The following SLC14A2 variants were observed in gnomAD, a reference collection of about 807,000 sequenced individuals.
SLC14A2 encodes the protein solute carrier family 14 member 2.
SLC14A2 carries 91 observed loss-of-function variants against 104.6 expected under a neutral mutation model. The observed-to-expected ratio is 0.87, with a 90% CI of 0.73 to 1.04. SLC14A2 has a LOEUF of 1.04. SLC14A2 is among the 50% of genes least tolerant of loss of function. The probability of loss-of-function intolerance (pLI) is 0.00; values close to 1 mark genes in which losing one functional copy is unlikely to be tolerated. For synonymous variants in SLC14A2, 476 were observed against 466.4 expected (o/e 1.02, Z -0.27); for missense variants, 1,189 against 1,156.0 (o/e 1.03, Z -0.41).
In SLC14A2 at chr18:45,475,619, GAT is replaced by G. The variant is rs200761666; in HGVS notation, c.-124-7597_-124-7596del. 3.8e-3 allele frequency among the ~76,000 whole-genome samples: 258 copies of G among 68,262 alleles called. 3 individuals carry two copies. The highest frequency in any genetic ancestry group is 4.7e-3 in the African/African-American group (90 of 19,194). The allele number at this position is 68,262 out of a possible 152,430, so 44.8% of individuals were successfully genotyped here. A position where few individuals can be genotyped will look rare whatever the true frequency, so the allele number is the denominator to read the frequency against. On this transcript the variant is annotated intron_variant, in intron 1 of 20. Coordinates refer to the SLC14A2 transcript ENST00000586448. ...ATGTTTAGGTTATATATATATTTAG[GAT>G]ATATATATATATATATTTAGGATAT...
At chr18:45,314,637 T>C (rs1045612495) in intron 1 of SLC14A2, among the ~76,000 whole-genome samples, 1 of 152,230 alleles carries the variant, frequency 6.6e-6, no homozygotes, top group African/African-American at 2.4e-5. Context: ...GTATCTGTCC[T>C]GACAAACTTG....
chr18:45,556,296 T>G lies in SLC14A2; in HGVS notation c.-34-68335T>G, dbSNP rs188709389. Among the ~76,000 whole-genome samples, 217 of 152,250 alleles carry G rather than the reference T, an allele frequency of 1.4e-3. 1 individual carries two copies. Among genetic ancestry groups the G allele is most frequent in the Non-Finnish European group, 1.7e-3 (114 of 68,008 alleles). On this transcript the variant is annotated intron_variant, in intron 2 of 20. Transcript: ENST00000586448. ...CAACATGCAGACCACAGAAACCACC[T>G]TATCATATATTTTAGTGTTTTACCC...
chr18:45,407,566 C>G (rs2086168871), intron 1 of SLC14A2, among the ~76,000 whole-genome samples: 1 of 152,216 alleles, frequency 6.6e-6, no homozygotes, highest in Admixed American at 6.5e-5. Context: ...CTAACTGGCT[C>G]AAGAATCCTA....
chr18:45,362,083 A>T (rs1329590184), intron 1 of SLC14A2, among the ~76,000 whole-genome samples: 4 of 152,198 alleles, frequency 2.6e-5, no homozygotes, highest in Non-Finnish European at 5.9e-5. Context: ...TTCCCATGGT[A>T]GTGAGTGAGT....
chr18:45,493,774 G>A (rs2043042108), intron 2 of SLC14A2, among the ~76,000 whole-genome samples: 1 of 152,136 alleles, frequency 6.6e-6, no homozygotes, highest in Admixed American at 6.5e-5. Flanking sequence ...GTGTTGTTCT[G>A]TGACTCATAT....
At chr18:45,292,374 G>A (rs997498504) in intron 1 of SLC14A2, among the ~76,000 whole-genome samples, 6 of 152,160 alleles carry the variant, frequency 3.9e-5, no homozygotes, top group East Asian at 1.9e-4. Context: ...GTACTAGGGC[G>A]TTGCCATGGA....
intron 1 of SLC14A2, among the ~76,000 whole-genome samples, chr18:45,237,858 G>A (rs2144041659): frequency 6.6e-6 from 1 of 152,342 alleles, no homozygotes; most frequent in South Asian, 2.1e-4. Context: ...GGCTCCCACA[G>A]ACTTCCATTG....
intron 1 of SLC14A2, among the ~76,000 whole-genome samples, chr18:45,293,165 A>G (rs1008153769): frequency 2.0e-5 from 3 of 152,182 alleles, no homozygotes; most frequent in Non-Finnish European, 4.4e-5. Flanking sequence ...TAAGCAGAAA[A>G]TGTCCCATGG....
chr18:45,266,841 A>T (rs2084596985), intron 1 of SLC14A2, among the ~76,000 whole-genome samples: 1 of 152,144 alleles, frequency 6.6e-6, no homozygotes, highest in Non-Finnish European at 1.5e-5. Context: ...GGTCAGGGGT[A>T]AGGAATATAG....
At chr18:45,244,116 A>C (rs2084345482) in intron 1 of SLC14A2, among the ~76,000 whole-genome samples, 1 of 152,224 alleles carries the variant, frequency 6.6e-6, no homozygotes, top group Non-Finnish European at 1.5e-5. Flanking sequence ...CCGGAAGCTT[A>C]GAAGGCAAGT....
chr18:45,634,772 G>C, intron 5 of SLC14A2: 1 of 456,032 alleles, frequency 2.2e-6, no homozygotes, highest in South Asian at 1.6e-5. Flanking sequence ...GTTTTAGGCA[G>C]AGATGTGATG....
intron 1 of SLC14A2, among the ~76,000 whole-genome samples, chr18:45,452,581 A>G (rs1206840885): frequency 1.3e-5 from 2 of 152,252 alleles, no homozygotes; most frequent in Non-Finnish European, 2.9e-5. Context: ...AAAGTCTGAC[A>G]TTAATTTTAT....
chr18:45,637,308 A>G (rs1043304724), intron 6 of SLC14A2, 126 bp downstream of exon 6: 2 of 702,320 alleles, frequency 2.8e-6, no homozygotes, highest in Admixed American at 2.9e-5. Flanking sequence ...GATGGGCCTC[A>G]GCAGGGTATC....
chr18:45,401,175 T>A (rs1339088366), intron 1 of SLC14A2, among the ~76,000 whole-genome samples: 1 of 152,164 alleles, frequency 6.6e-6, no homozygotes, highest in Non-Finnish European at 1.5e-5. Context: ...GCCTTTCCTG[T>A]TTACACTATT....
In SLC14A2 at chr18:45,623,355, C is replaced by T. The variant is rs145769094; in HGVS notation, c.-34-1276C>T. On this transcript the variant is annotated intron_variant, in intron 1 of 19. Coordinates refer to ENST00000255226, the MANE Select transcript of SLC14A2 (RefSeq NM_007163.4). ...GATGATGAGTTATCTGCCTGGACATCGAAGCTGCTTAAAGTTACTGGAGGG... is the reference window on the plus strand; with the variant it reads ...GATGATGAGTTATCTGCCTGGACATTGAAGCTGCTTAAAGTTACTGGAGGG... Among the ~76,000 whole-genome samples, 13 of 152,272 alleles carry T rather than the reference C, an allele frequency of 8.5e-5. No individual in the cohort carries two copies. In the South Asian group the frequency reaches 1.0e-3, roughly 12 times the overall value.
At chr18:45,614,942 G>T (rs2045035659), upstream of SLC14A2, 1 of 152,132 alleles carries the variant, frequency 6.6e-6, no homozygotes, top group South Asian at 2.1e-4. Context: ...GACTACAAGT[G>T]TGTGCCACCA....
At chr18:45,192,607 A>G in the SLC14A2 span, among the ~76,000 whole-genome samples, 2 of 120,906 alleles carry the variant, frequency 1.7e-5, no homozygotes, top group African/African-American at 6.4e-5. Flanking sequence ...ACAGGCAGGT[A>G]GTGGTTTTGT....
At chr18:45,440,807 C>T (rs1301515054) in intron 1 of SLC14A2, among the ~76,000 whole-genome samples, 1 of 152,184 alleles carries the variant, frequency 6.6e-6, no homozygotes, top group African/African-American at 2.4e-5. Flanking sequence ...AGGGAAACGG[C>T]TGTTGCTATT....
At chr18:45,342,576 AAT>A (rs1419434072) in intron 1 of SLC14A2, among the ~76,000 whole-genome samples, 9 of 152,146 alleles carry the variant, frequency 5.9e-5, no homozygotes, top group Non-Finnish European at 1.3e-4. Context: ...AAATGTGGAG[AAT>A]ATAACTCAGA....
Sources: allele counts gnomAD v4.1 joint callset (sites outside exome capture counted in the v4.1 genomes callset), GRCh38; gene constraint gnomAD v4.1.1; transcripts MANE v1.5; gene names NCBI Gene and HGNC (gene_info 2026-07-23, HGNC 2026-07-21).